Variants in MMP16 observed in about 807,000 individuals in gnomAD.
The protein encoded by MMP16 is matrix metalloproteinase-16.
In MMP16, 12 loss-of-function variants were observed where a neutral mutation model predicts 67.8. That is an observed-to-expected ratio of 0.18 (90% CI 0.11 to 0.29). MMP16 has a LOEUF of 0.29. MMP16 is among the 10% of genes least tolerant of loss of function. The pLI, the probability that MMP16 is intolerant of heterozygous loss-of-function variation, is 1.00. For synonymous variants in MMP16, 249 were observed against 255.9 expected (o/e 0.97, Z 0.26); for missense variants, 475 against 765.7 (o/e 0.62, Z 4.48).
At chr8:88,227,815 C>T (rs1809794267) in intron 1 of MMP16, among the ~76,000 whole-genome samples, 1 of 151,996 alleles carries the variant, frequency 6.6e-6, no homozygotes, top group African/African-American at 2.4e-5. Flanking sequence ...ATCAGAAGTA[C>T]AACAATTACT....
intron 1 of MMP16, among the ~76,000 whole-genome samples, chr8:88,264,243 AGACT>A (rs1260410066): frequency 2.0e-5 from 3 of 152,176 alleles, no homozygotes; most frequent in Non-Finnish European, 4.4e-5. Flanking sequence ...GTGTTCTCCC[AGACT>A]GAAGTACAGT....
At position 88,245,478 on chromosome 8, in the gene MMP16, A is replaced by AAG. The variant is rs1426474491; in HGVS notation, c.133-48174_133-48173dup. On this transcript the variant is annotated intron_variant, in intron 1 of 9. Coordinates refer to ENST00000286614, the MANE Select transcript of MMP16 (RefSeq NM_005941.5). ...TGAGGCAGTCCCCTGTGTAAGGGTG[A>AAG]AGAGAAATGCATTACCACTAGAACT... is the stretch of plus-strand genomic sequence containing the variant. 2.6e-5 allele frequency among the ~76,000 whole-genome samples: 4 copies of AAG among 152,196 alleles called. No homozygotes were observed. The East Asian group carries it at 7.7e-4, about 29-fold the overall frequency.
intron 1 of MMP16, among the ~76,000 whole-genome samples, chr8:88,304,696 T>C (rs189544581): frequency 6.6e-6 from 1 of 152,296 alleles, no homozygotes; most frequent in African/African-American, 2.4e-5. Context: ...CAAGCCAAAC[T>C]AAGCTTCATA....
At chr8:88,153,917 GA>G (rs1456252572) in intron 4 of MMP16, among the ~76,000 whole-genome samples, 1 of 151,222 alleles carries the variant, frequency 6.6e-6, no homozygotes, top group Non-Finnish European at 1.5e-5. Context: ...ACTACCATCA[GA>G]GTGAACAGGC....
intron 2 of MMP16, among the ~76,000 whole-genome samples, chr8:88,186,952 G>T (rs1809085153): frequency 6.6e-6 from 1 of 152,054 alleles, no homozygotes; most frequent in Admixed American, 6.6e-5. Context: ...AATTCCTAGT[G>T]CTACTCATAA....
rs1263782796 is a variant in MMP16, at chr8:88,032,430, A to T, written c.*9031T>A. On this transcript the variant is annotated 3_prime_UTR_variant, in exon 10 of 10. Transcript: ENST00000286614. Reference sequence around the variant, plus strand: ...CCTTTAATGACGCAACATTATAAGGAGTTAAAAGAGATAGTAGCTTGGTGA... The same window carrying T: ...CCTTTAATGACGCAACATTATAAGGTGTTAAAAGAGATAGTAGCTTGGTGA... 2.0e-5 allele frequency: 3 copies of T among 152,166 alleles called. No individual in the cohort carries two copies. The highest frequency in any genetic ancestry group is 6.6e-5 in the Admixed American group (1 of 15,246). The allele number at this position is 152,166 out of a possible 1,614,324, so 9.4% of individuals were successfully genotyped here. A position where few individuals can be genotyped will look rare whatever the true frequency, so the allele number is the denominator to read the frequency against.
chr8:88,129,640 T>C (rs748438098), intron 4 of MMP16, among the ~76,000 whole-genome samples: 3 of 151,528 alleles, frequency 2.0e-5, no homozygotes, highest in Non-Finnish European at 4.4e-5. Flanking sequence ...TTTTTATTTT[T>C]AGTTTTTCTC....
intron 1 of MMP16, among the ~76,000 whole-genome samples, chr8:88,214,030 T>C (rs183606294): frequency 4.6e-5 from 7 of 152,256 alleles, no homozygotes; most frequent in Non-Finnish European, 2.9e-5. Flanking sequence ...AGTTTTTCCA[T>C]ATATGAAAGC....
At chr8:88,055,465 C>T (rs550205158) in intron 8 of MMP16, among the ~76,000 whole-genome samples, 1 of 152,182 alleles carries the variant, frequency 6.6e-6, no homozygotes, top group Admixed American at 6.5e-5. Flanking sequence ...ACCTTGGCCT[C>T]GCAAAATGCT....
intron 2 of MMP16, among the ~76,000 whole-genome samples, chr8:88,194,257 T>C (rs898996252): frequency 1.3e-5 from 2 of 152,080 alleles, no homozygotes; most frequent in Admixed American, 6.6e-5. Context: ...ATAAAAACAA[T>C]TGATCTTGAC....
intron 6 of MMP16, among the ~76,000 whole-genome samples, chr8:88,107,413 T>C (rs1809261372): frequency 6.6e-6 from 1 of 151,080 alleles, no homozygotes; most frequent in African/African-American, 2.4e-5. Context: ...TTTACAATAC[T>C]GTATATTTCA....
At position 88,131,200 on chromosome 8, in the gene MMP16, T is replaced by C. The variant is rs553062940; in HGVS notation, c.710-12339A>G. Among the ~76,000 whole-genome samples, 55 of 151,546 alleles carry C rather than the reference T, an allele frequency of 3.6e-4. No individual in the cohort carries two copies. The East Asian group carries it at 9.0e-3, about 25-fold the overall frequency. ...AAGCTGGTAAGTGGTACAGGCAAGT[T>C]TGTATCCAGGTCTGTTTGAATACAA... is the stretch of plus-strand genomic sequence containing the variant. On this transcript the variant is annotated intron_variant, in intron 4 of 9. Coordinates refer to ENST00000286614, the MANE Select transcript of MMP16 (RefSeq NM_005941.5).
At chr8:88,277,028 G>C (rs910206694) in intron 1 of MMP16, among the ~76,000 whole-genome samples, 2 of 151,642 alleles carry the variant, frequency 1.3e-5, no homozygotes, top group African/African-American at 4.9e-5. Context: ...TTGGTATATT[G>C]GATATTATTA....
At chr8:88,101,278 A>C (rs1809139956) in intron 6 of MMP16, among the ~76,000 whole-genome samples, 1 of 151,868 alleles carries the variant, frequency 6.6e-6, no homozygotes, top group African/African-American at 2.4e-5. Context: ...TCCTCAATAC[A>C]GATTCATAAA....
chr8:88,171,428 A>G (rs954743841), intron 3 of MMP16, among the ~76,000 whole-genome samples: 1 of 152,200 alleles, frequency 6.6e-6, no homozygotes, highest in Non-Finnish European at 1.5e-5. Flanking sequence ...CCAGTTTCAC[A>G]TATGAAGGGT....
At chr8:88,108,145 T>C (rs927796761) in intron 6 of MMP16, among the ~76,000 whole-genome samples, 1 of 151,224 alleles carries the variant, frequency 6.6e-6, no homozygotes, top group South Asian at 2.1e-4. Context: ...AGATGAAGTA[T>C]AAAGATTTAA....
intron 1 of MMP16, among the ~76,000 whole-genome samples, chr8:88,326,373 C>T (rs932075565): frequency 6.6e-6 from 1 of 152,128 alleles, no homozygotes; most frequent in Non-Finnish European, 1.5e-5. Flanking sequence ...CTAAAACCTC[C>T]CCGTTTTGCC....
At chr8:88,119,909 C>T (rs1267769339) in intron 4 of MMP16, among the ~76,000 whole-genome samples, 1 of 152,000 alleles carries the variant, frequency 6.6e-6, no homozygotes, top group Admixed American at 6.6e-5. Flanking sequence ...TCTATGAAAA[C>T]TCCTTTCCAA....
intron 4 of MMP16, among the ~76,000 whole-genome samples, chr8:88,138,788 G>T (rs1321160457): frequency 2.6e-5 from 4 of 152,022 alleles, no homozygotes; most frequent in African/African-American, 9.7e-5. Flanking sequence ...TATCCTGGTG[G>T]TTCTCTTATA....
Sources: gnomAD v4.1 joint callset for allele counts (sites outside exome capture counted in the v4.1 genomes callset) on GRCh38, gnomAD v4.1.1 for gene constraint, MANE v1.5 for transcripts, NCBI Gene and HGNC (gene_info 2026-07-23, HGNC 2026-07-21) for gene names.